DLST: variants seen among roughly 807,000 people sequenced by gnomAD.
DLST encodes dihydrolipoyllysine-residue succinyltransferase component of 2-oxoglutarate dehydrogenase complex, mitochondrial.
A neutral mutation model predicts 53.1 loss-of-function variants in DLST; 17 were observed. The observed-to-expected ratio is 0.32, with a 90% CI of 0.22 to 0.48. The LOEUF (loss-of-function observed/expected upper bound fraction) is 0.48. Ranked by LOEUF, DLST falls within the 20% of genes least tolerant of loss-of-function variation. The probability of loss-of-function intolerance (pLI) is 0.99; values close to 1 mark genes in which losing one functional copy is unlikely to be tolerated. For missense variants in DLST, 512 were observed against 583.9 expected (o/e 0.88, Z 1.27); for synonymous variants, 206 against 204.8 (o/e 1.01, Z -0.05).
At chr14:74,891,251 T>A (rs1226801484) in intron 7 of DLST, 84 bp downstream of exon 7, 1 of 1,582,178 alleles carries the variant, frequency 6.3e-7, no homozygotes, top group Non-Finnish European at 8.6e-7. Context: ...TTCCCCGATA[T>A]GTCAAAGACT....
At chr14:74,900,155 T>C in intron 12 of DLST, 134 bp from the exon 13 acceptor site, 1 of 1,101,254 alleles carries the variant, frequency 9.1e-7, no homozygotes, top group Non-Finnish European at 1.4e-6. Context: ...CGCATTCTTT[T>C]AACACTTTCT....
chr14:74,889,401 G>C (rs774035051), intron 5 of DLST, 52 bp downstream of exon 5: 1 of 1,384,940 alleles, frequency 7.2e-7, no homozygotes, highest in Non-Finnish European at 9.8e-7. Flanking sequence ...ACAGAGTCTT[G>C]CTCTGTTCCC....
chr14:74,894,004 A>T (rs1008990134), intron 9 of DLST, among the ~76,000 whole-genome samples: 15 of 152,170 alleles, frequency 9.9e-5, no homozygotes, highest in Admixed American at 5.9e-4. Context: ...TATGATTCTT[A>T]TGTTGGCTAG....
At position 74,891,167 on chromosome 14, in the gene DLST, G is replaced by A. The variant is rs901136564; in HGVS notation, c.442G>A (p.Ala148Thr). The change falls in exon 7 of 15, where the codon GCT (alanine) becomes ACT (threonine). Residue 148 changes from alanine to threonine, a missense_variant and splice_region_variant. Transcript: ENST00000334220. ...ACTTTTCACACTCAGGAAAACTGGT[G>A]GTAAAGAAGTTCTCCTGGTGGTCAA... ...TPLFTLRKTG[A>T]APAKAKPAEA... 6.2e-7 allele frequency: 1 copy of A among 1,613,922 alleles called. No homozygotes were observed. Among genetic ancestry groups the A allele is most frequent in the African/African-American group, 1.3e-5 (1 of 74,914 alleles).
Position 74,893,384 on chromosome 14 carries a change from C to G in DLST, c.632C>G (p.Ala211Gly), listed in dbSNP as rs1487264528. 1 of 1,614,238 alleles carries G rather than the reference C, an allele frequency of 6.2e-7. No homozygotes were observed. Among genetic ancestry groups the G allele is most frequent in the East Asian group, 2.2e-5 (1 of 44,894 alleles). ...AVKPTVAPPL[A>G]EPGAGKGLRS... ...AAACCCACTGTTGCCCCACCACTAG[C>G]TGAGCCAGGAGCTGGCAAAGGTCTG... The change falls in exon 9 of 15, where the codon GCT becomes GGT. Residue 211 changes from alanine (A) to glycine (G), a missense_variant. Ala to Gly is a moderately conservative substitution (Grantham distance 60). This residue lies in a region of DLST where 162 missense variants were observed against 162.0 expected (regional missense o/e 1.00). Transcript: ENST00000334220.
At chr14:74,899,290 T>C (rs547316872) in intron 11 of DLST, among the ~76,000 whole-genome samples, 3 of 152,242 alleles carry the variant, frequency 2.0e-5, no homozygotes, top group Non-Finnish European at 2.9e-5. Flanking sequence ...TCAAAAGTTC[T>C]CGTGGCCTCT....
At chr14:74,891,946 A>AC (rs1461990712) in intron 7 of DLST, 2 of 719,872 alleles carry the variant, frequency 2.8e-6, no homozygotes, top group Non-Finnish European at 3.4e-6. Context: ...CTTAGCACTA[A>AC]CCCTGGATAT....
intron 7 of DLST, 148 bp from the exon 8 acceptor site, chr14:74,892,684 TTG>T: frequency 2.0e-5 from 15 of 742,182 alleles, no homozygotes; most frequent in South Asian, 4.0e-5. Context: ...CCTTATGTCA[TTG>T]TGTGTGTGTC....
At chr14:74,891,481 A>C in intron 7 of DLST, 1 of 1,014,414 alleles carries the variant, frequency 9.9e-7, no homozygotes, top group South Asian at 4.3e-5. Context: ...AAAATCTGAA[A>C]TGCTCCAAAA....
chr14:74,890,104 AAAC>A lies in DLST; in HGVS notation c.330+156_330+158del, dbSNP rs931113811. ...ATTGGATTTGTTCAATTTAAAAAAA[AAAC>A]AACTTTTTACATTTAACTTTTTTTT... On this transcript the variant is annotated intron_variant, in intron 6 of 14. Transcript: ENST00000334220. 8 of 674,144 alleles carry A rather than the reference AAAC, an allele frequency of 1.2e-5. No individual in the cohort carries two copies. In the African/African-American group the frequency reaches 1.5e-4, roughly 13 times the overall value. 41.8% of individuals were successfully genotyped at this position (674,144 alleles called of 1,614,324 possible).
intron 11 of DLST, among the ~76,000 whole-genome samples, chr14:74,898,824 C>G (rs990989981): frequency 6.6e-6 from 1 of 151,530 alleles, no homozygotes; most frequent in Admixed American, 6.6e-5. Flanking sequence ...TCCCCTCCCC[C>G]AGCTCCACAG....
At chr14:74,896,823 G>T (rs1336422465) in intron 10 of DLST, among the ~76,000 whole-genome samples, 1 of 152,214 alleles carries the variant, frequency 6.6e-6, no homozygotes, top group African/African-American at 2.4e-5. Flanking sequence ...GATGCAGTTG[G>T]CCCAACAGCT....
Position 74,889,140 on chromosome 14 carries a change from T to A in DLST, c.192T>A (p.Ala64=). ...GTGTTCGCTTTTTCAGAACTACAGC[T>A]GTATGCAGTAAGTACCTGCTTTCTT... The part of the protein sequence containing the change: ...VFSVRFFRTT[A]VCKDDLVTVK... The change falls in exon 4 of 15, where the codon GCT becomes GCA. Residue 64 remains alanine, a synonymous_variant. Transcript: ENST00000334220. 1.2e-6 allele frequency: 2 copies of A among 1,614,186 alleles called. No homozygotes were observed.
Position 74,902,700 on chromosome 14 carries a change from A to G in DLST, c.*370A>G, listed in dbSNP as rs1438882718. Reference sequence around the variant, plus strand: ...CTGGGGACCATGTGATTAAGTTCCTATCTTTTGAAAGTTTGTTCTGCAGAG... The same window carrying G: ...CTGGGGACCATGTGATTAAGTTCCTGTCTTTTGAAAGTTTGTTCTGCAGAG... On this transcript the variant is annotated 3_prime_UTR_variant, in exon 15 of 15. Transcript: ENST00000334220. 1 of 161,008 alleles carries G rather than the reference A, an allele frequency of 6.2e-6. No individual in the cohort carries two copies. 10.0% of individuals were successfully genotyped at this position (161,008 alleles called of 1,614,324 possible).
chr14:74,888,375 G>A lies in DLST; in HGVS notation c.147-720G>A, dbSNP rs948414053. ...ATCTAAATCTGTTATCTTGAGGGCA[G>A]AAATTCCATTATACCTTGCACAATG... On this transcript the variant is annotated intron_variant, in intron 3 of 14. Coordinates refer to ENST00000334220, the MANE Select transcript of DLST (RefSeq NM_001933.5). 2.0e-5 allele frequency among the ~76,000 whole-genome samples: 3 copies of A among 150,646 alleles called. No individual in the cohort carries two copies. The South Asian group carries it at 6.3e-4, about 32-fold the overall frequency.
intron 11 of DLST, among the ~76,000 whole-genome samples, chr14:74,899,335 C>T (rs1884170048): frequency 6.6e-6 from 1 of 152,058 alleles, no homozygotes; most frequent in Admixed American, 6.6e-5. Context: ...GATGTCTTAT[C>T]TAACAATACA....
At chr14:74,887,621 T>C (rs1883752420) in intron 3 of DLST, among the ~76,000 whole-genome samples, 1 of 152,188 alleles carries the variant, frequency 6.6e-6, no homozygotes, top group Non-Finnish European at 1.5e-5. Context: ...GTAAAAAGGG[T>C]GTCCATGAGA....
intron 13 of DLST, 146 bp from the exon 14 acceptor site, chr14:74,900,920 C>T (rs1038768036): frequency 2.7e-6 from 2 of 752,324 alleles, no homozygotes; most frequent in African/African-American, 1.8e-5. Context: ...AGATGGGGGT[C>T]TCACTATGTT....
chr14:74,900,021 A>G, intron 12 of DLST, 25 bp downstream of exon 12: 5 of 1,585,740 alleles, frequency 3.2e-6, no homozygotes, highest in Non-Finnish European at 4.3e-6. Context: ...GAGGTGGGGA[A>G]TGTTGGTCTT....
Sources: gnomAD v4.1 joint callset for allele counts (sites outside exome capture counted in the v4.1 genomes callset) on GRCh38, gnomAD v4.1.1 for gene constraint, gnomAD v4.1.1 regional missense constraint, MANE v1.5 for transcripts, NCBI Gene and HGNC (gene_info 2026-07-23, HGNC 2026-07-21) for gene names.